UQCRC2: variants seen among roughly 807,000 people sequenced by gnomAD.
The protein encoded by UQCRC2 is cytochrome b-c1 complex subunit 2, mitochondrial.
In UQCRC2, 49 loss-of-function variants were observed where a neutral mutation model predicts 55.6. The observed-to-expected ratio is 0.88, with a 90% confidence interval of 0.70 to 1.12. The LOEUF is 1.12. Among genes scored for constraint, UQCRC2 ranks in the 50% most tolerant of loss-of-function variants. UQCRC2 has a pLI of 0.00. For synonymous variants in UQCRC2, 193 were observed against 192.0 expected (o/e 1.01, Z -0.04); for missense variants, 506 against 547.8 (o/e 0.92, Z 0.76).
At chr16:21,977,602 G>A (rs1898617479) in intron 12 of UQCRC2, among the ~76,000 whole-genome samples, 1 of 152,214 alleles carries the variant, frequency 6.6e-6, no homozygotes, top group Admixed American at 6.5e-5. Context: ...TTCATTAGTA[G>A]TTCGAGGGTT....
chr16:21,973,917 T>C lies in UQCRC2; in HGVS notation c.988T>C (p.Tyr330His). The C allele has an allele frequency of 6.2e-7, 1 of 1,613,176 alleles. No homozygotes were observed. The highest frequency in any genetic ancestry group is 8.5e-7 in the Non-Finnish European group (1 of 1,179,660). Residue 330 changes from tyrosine (Y) to histidine (H), a missense_variant, in exon 11 of 14, where the codon TAC becomes CAC. Tyr to His is a moderately conservative substitution (Grantham distance 83, BLOSUM62 2). Transcript: ENST00000268379. ...PFDVSAFNASYSDSGLFGIYT... is the reference protein window; with the variant it reads ...PFDVSAFNASHSDSGLFGIYT... ...TCAGGTTTCTGCATTTAATGCCAGT[T>C]ACTCAGATTCTGGACTCTTTGGGAT...
At chr16:21,961,647 TATATATA>T (rs1898204761) in intron 4 of UQCRC2, among the ~76,000 whole-genome samples, 1 of 99,906 alleles carries the variant, frequency 1.0e-5, no homozygotes, top group African/African-American at 5.2e-5. Context: ...TATATATATA[TATATATA>T]TATATATATA....
At position 21,957,541 on chromosome 16, in the gene UQCRC2, A is replaced by C. The variant is rs1472736410; in HGVS notation, c.242A>C (p.His81Pro). 6.2e-7 allele frequency: 1 copy of C among 1,614,050 alleles called. No individual in the cohort carries two copies. Among genetic ancestry groups the C allele is most frequent in the East Asian group, 2.2e-5 (1 of 44,882 alleles). The change falls in exon 3 of 14, where the codon CAT (histidine) becomes CCT (proline). Residue 81 changes from histidine to proline, a missense_variant. Coordinates refer to ENST00000268379, the MANE Select transcript of UQCRC2 (RefSeq NM_003366.4). Reference sequence around the variant, plus strand: ...GACTTCAGCAATTTAGGAACCACCCATTTGCTGCGTCTTACATCCAGTCTG... The same window carrying C: ...GACTTCAGCAATTTAGGAACCACCCCTTTGCTGCGTCTTACATCCAGTCTG... ...YEDFSNLGTT[H>P]LLRLTSSLTT...
At chr16:21,956,454 G>A (rs1898088096) in intron 1 of UQCRC2, among the ~76,000 whole-genome samples, 1 of 152,130 alleles carries the variant, frequency 6.6e-6, no homozygotes, top group Non-Finnish European at 1.5e-5. Context: ...TGAGACAGGA[G>A]AATCGCTTGA....
chr16:21,971,515 G>A lies in UQCRC2; in HGVS notation c.671-10G>A, dbSNP rs201061280. ...TGGTTCTAGCTTTGTTTTTGCTTCT[G>A]TTGAAACAGGTGTGAGTCATCCTGT... On this transcript the variant is annotated splice_polypyrimidine_tract_variant and intron_variant, in intron 8 of 13. Coordinates refer to ENST00000268379, the MANE Select transcript of UQCRC2 (RefSeq NM_003366.4). 2.5e-6 allele frequency: 4 copies of A among 1,599,172 alleles called. No homozygotes were observed. Among genetic ancestry groups the A allele is most frequent in the Non-Finnish European group, 3.4e-6 (4 of 1,172,290 alleles).
Position 21,972,106 on chromosome 16 carries a change from C to G in UQCRC2, c.950C>G (p.Thr317Ser), listed in dbSNP as rs1456272660. Reference protein sequence around the residue: ...SHLHQAVAKATQQPFDVSAFN... With the variant: ...SHLHQAVAKASQQPFDVSAFN... ...CTGCACCAGGCTGTTGCCAAGGCAA[C>G]TCAGCAGCCATTTGATGTGAGTCTG... Residue 317 changes from threonine to serine, a missense_variant, in exon 10 of 14, where the codon ACT (threonine) becomes AGT (serine). Transcript: ENST00000268379. 3.1e-6 allele frequency: 5 copies of G among 1,613,572 alleles called. No individual in the cohort carries two copies. The Admixed American group carries it at 8.3e-5, about 27-fold the overall frequency.
At chr16:21,954,761 C>T (rs551179891) in intron 1 of UQCRC2, among the ~76,000 whole-genome samples, 4 of 151,896 alleles carry the variant, frequency 2.6e-5, no homozygotes, top group Non-Finnish European at 4.4e-5. Flanking sequence ...AGCACATTAC[C>T]GGCGGAGCGC....
intron 1 of UQCRC2, among the ~76,000 whole-genome samples, chr16:21,955,083 CAA>C (rs563528100): frequency 1.4e-5 from 2 of 144,354 alleles, no homozygotes; most frequent in South Asian, 2.2e-4. Context: ...AAATTACCAA[CAA>C]AGAGTTACTA....
chr16:21,969,525 CTG>C (rs1185547292), intron 8 of UQCRC2, among the ~76,000 whole-genome samples: 1 of 152,078 alleles, frequency 6.6e-6, no homozygotes, highest in Non-Finnish European at 1.5e-5. Context: ...GAGTGAGACT[CTG>C]TCTCAAAAAA....
intron 1 of UQCRC2, among the ~76,000 whole-genome samples, chr16:21,954,803 G>A (rs1024395778): frequency 6.6e-6 from 1 of 151,962 alleles, no homozygotes; most frequent in African/African-American, 2.4e-5. Context: ...TAGCACTTTG[G>A]GAGTCAGAGG....
At chr16:21,964,866 T>C (rs1898288433) in intron 6 of UQCRC2, among the ~76,000 whole-genome samples, 1 of 152,168 alleles carries the variant, frequency 6.6e-6, no homozygotes, top group Non-Finnish European at 1.5e-5. Flanking sequence ...TGCCAGGTAA[T>C]GAGCAACTGA....
chr16:21,968,657 A>G lies in UQCRC2; in HGVS notation c.642A>G (p.Thr214=). ...ELHYFVQNHF[T]SARMALIGLG... ...ATTACTTCGTTCAGAACCATTTCACAAGTGCAAGAATGGCTTTGATTGGAC... is the reference window on the plus strand; with the variant it reads ...ATTACTTCGTTCAGAACCATTTCACGAGTGCAAGAATGGCTTTGATTGGAC... Residue 214 remains threonine (T), a synonymous_variant, in exon 8 of 14, where the codon ACA becomes ACG. Coordinates refer to ENST00000268379, the MANE Select transcript of UQCRC2 (RefSeq NM_003366.4). The G allele has an allele frequency of 6.2e-7, 1 of 1,609,788 alleles. No individual in the cohort carries two copies. Among genetic ancestry groups the G allele is most frequent in the Non-Finnish European group, 8.5e-7 (1 of 1,177,760 alleles).
intron 13 of UQCRC2, 78 bp downstream of exon 13, chr16:21,980,778 G>A (rs1272580271): frequency 2.2e-5 from 33 of 1,503,150 alleles, no homozygotes; most frequent in East Asian, 9.1e-5. Context: ...ATGCATAAGC[G>A]TCCTTGGGCA....
chr16:21,970,884 T>G (rs1898443314), intron 8 of UQCRC2, among the ~76,000 whole-genome samples: 1 of 152,016 alleles, frequency 6.6e-6, no homozygotes, highest in Non-Finnish European at 1.5e-5. Flanking sequence ...CCGTGCCCAG[T>G]CAACTTTGGA....
intron 3 of UQCRC2, among the ~76,000 whole-genome samples, chr16:21,958,178 T>A (rs541379572): frequency 6.6e-6 from 1 of 152,252 alleles, no homozygotes; most frequent in African/African-American, 2.4e-5. Flanking sequence ...TAAATTAGTA[T>A]CCATATGAAT....
intron 10 of UQCRC2, among the ~76,000 whole-genome samples, 164 bp downstream of exon 10, chr16:21,972,286 A>G (rs891789517): frequency 6.6e-6 from 1 of 152,234 alleles, no homozygotes; most frequent in Admixed American, 6.5e-5. Flanking sequence ...AGGCCTATCA[A>G]AAACTCACTG....
At chr16:21,976,804 A>C (rs1372497395) in intron 12 of UQCRC2, 1 of 152,210 alleles carries the variant, frequency 6.6e-6, no homozygotes, top group African/African-American at 2.4e-5. Context: ...GAAAATTACA[A>C]ATAAAAGACA....
intron 7 of UQCRC2, 34 bp from the exon 8 acceptor site, chr16:21,968,594 A>T: frequency 6.4e-7 from 1 of 1,560,800 alleles, no homozygotes; most frequent in Non-Finnish European, 8.7e-7. Context: ...TATTTATGCT[A>T]ATATAACCTA....
intron 8 of UQCRC2, 89 bp downstream of exon 8, chr16:21,968,774 A>AT (rs1898388796): frequency 2.5e-6 from 3 of 1,222,928 alleles, no homozygotes; most frequent in Non-Finnish European, 3.4e-6. Context: ...ATTGAACAAA[A>AT]TTTGAAAACT....
Sources: allele counts gnomAD v4.1 joint callset (sites outside exome capture counted in the v4.1 genomes callset), GRCh38; gene constraint gnomAD v4.1.1; transcripts MANE v1.5; gene names NCBI Gene and HGNC (gene_info 2026-07-23, HGNC 2026-07-21).